The following THSD7B variants were observed in gnomAD, a reference collection of about 807,000 sequenced individuals.
THSD7B encodes the protein thrombospondin type-1 domain-containing protein 7B.
Under a neutral mutation model 213.6 loss-of-function variants are expected in THSD7B, and 138 were observed. The ratio of observed to expected loss-of-function variants is 0.65; its 90% CI spans 0.56 to 0.74. THSD7B has a LOEUF of 0.74. THSD7B is among the 30% of genes least tolerant of loss of function. The pLI is 0.00. For synonymous variants in THSD7B, 742 were observed against 687.0 expected (o/e 1.08, Z -1.25); for missense variants, 1,931 against 1,991.5 (o/e 0.97, Z 0.58).
intron 15 of THSD7B, among the ~76,000 whole-genome samples, chr2:137,542,695 A>G (rs1680631281): frequency 6.6e-6 from 1 of 151,754 alleles, no homozygotes; most frequent in Non-Finnish European, 1.5e-5. Context: ...AAAGTATTCA[A>G]GGGAAACAAT....
rs77736345 is a variant in THSD7B at position 137,618,263 on chromosome 2, G to A, written c.3566-129G>A. 4.6e-3 allele frequency: 3,254 copies of A among 700,168 alleles called. 76 individuals are homozygous for A. The African/African-American group carries it at 0.052, about 11-fold the overall frequency. 43.4% of individuals were successfully genotyped at this position (700,168 alleles called of 1,614,324 possible). A position where few individuals can be genotyped will look rare whatever the true frequency, so the allele number is the denominator to read the frequency against. ...AGGGCATTGCATGATGATTCCCAAA[G>A]CTACCTGGAAATGATTTTAGGATTA... On this transcript the variant is annotated intron_variant, in intron 18 of 27. Transcript: ENST00000409968.
At chr2:136,923,254 A>G (rs1437175927) in intron 2 of THSD7B, among the ~76,000 whole-genome samples, 2 of 152,260 alleles carry the variant, frequency 1.3e-5, no homozygotes, top group East Asian at 1.9e-4. Context: ...AGTTTCATCT[A>G]TGTTGTAGTA....
intron 1 of THSD7B, among the ~76,000 whole-genome samples, chr2:136,866,789 G>A (rs1046316767): frequency 1.3e-5 from 2 of 152,174 alleles, no homozygotes; most frequent in African/African-American, 4.8e-5. Context: ...GAAAGTATTT[G>A]TTATGAAAGG....
intron 3 of THSD7B, among the ~76,000 whole-genome samples, chr2:137,086,211 C>T (rs1296689332): frequency 1.3e-5 from 2 of 152,054 alleles, no homozygotes; most frequent in African/African-American, 2.4e-5. Context: ...ATGGTGCACG[C>T]CTGTAATCCC....
At chr2:137,076,600 G>T (rs35402679) in intron 3 of THSD7B, among the ~76,000 whole-genome samples, 3 of 151,910 alleles carry the variant, frequency 2.0e-5, no homozygotes, top group African/African-American at 7.3e-5. Context: ...CACCGTCCTG[G>T]GCCTACTGTC....
In THSD7B at chr2:137,420,423, C is replaced by T. The variant is rs551836479; in HGVS notation, c.2959+8551C>T. Among the ~76,000 whole-genome samples the T allele has an allele frequency of 2.6e-5, 4 of 152,282 alleles. No homozygotes were observed. In the East Asian group the frequency reaches 7.7e-4, roughly 29 times the overall value. On this transcript the variant is annotated intron_variant, in intron 14 of 27. Transcript: ENST00000409968. ...GTCACCCTTTTTGAAAAACCACAGA[C>T]AGTCTTGCCCGGCAGCCCTTTCCTG...
At chr2:137,180,027 T>C (rs1483677891) in intron 7 of THSD7B, among the ~76,000 whole-genome samples, 1 of 152,168 alleles carries the variant, frequency 6.6e-6, no homozygotes, top group Admixed American at 6.5e-5. Flanking sequence ...TTATTTCCTT[T>C]ATAGGTTATT....
intron 17 of THSD7B, among the ~76,000 whole-genome samples, chr2:137,585,912 A>G (rs189558284): frequency 2.0e-5 from 3 of 151,560 alleles, no homozygotes; most frequent in African/African-American, 7.2e-5. Context: ...TTCTTTCTCG[A>G]TCTGTCTAAT....
chr2:137,363,159 G>A lies in THSD7B; in HGVS notation c.2501-42454G>A, dbSNP rs200342199. On this transcript the variant is annotated intron_variant, in intron 12 of 27. Transcript: ENST00000409968. ...CTACTGGGTAAATAACGAAATGAAG[G>A]CAGAAATAAAGATGTTCTTTGAAAC... Among the ~76,000 whole-genome samples, 58 of 152,268 alleles carry A rather than the reference G, an allele frequency of 3.8e-4. No homozygotes were observed. In the East Asian group the frequency reaches 0.011, roughly 29 times the overall value.
At chr2:137,634,440 G>A (rs1682796379) in intron 20 of THSD7B, among the ~76,000 whole-genome samples, 1 of 152,118 alleles carries the variant, frequency 6.6e-6, no homozygotes, top group African/African-American at 2.4e-5. Flanking sequence ...AAATTGCTCA[G>A]ATATTTTATT....
At chr2:137,636,000 C>G (rs937072270) in intron 20 of THSD7B, among the ~76,000 whole-genome samples, 2 of 152,162 alleles carry the variant, frequency 1.3e-5, no homozygotes, top group African/African-American at 4.8e-5. Context: ...CTGTGCCCAG[C>G]CCCTTGCAAG....
chr2:137,252,417 A>G (rs1682205849), intron 10 of THSD7B, among the ~76,000 whole-genome samples: 1 of 152,026 alleles, frequency 6.6e-6, no homozygotes, highest in Non-Finnish European at 1.5e-5. Context: ...TACAGTTGGA[A>G]GTAATGCTGG....
intron 17 of THSD7B, among the ~76,000 whole-genome samples, chr2:137,595,814 A>C (rs1286428096): frequency 6.6e-6 from 1 of 151,952 alleles, no homozygotes; most frequent in Non-Finnish European, 1.5e-5. Context: ...AAAACTTTAA[A>C]AAATAATATT....
intron 12 of THSD7B, among the ~76,000 whole-genome samples, chr2:137,303,738 A>G (rs868530797): frequency 7.3e-6 from 1 of 137,692 alleles, no homozygotes; most frequent in Admixed American, 7.3e-5. Flanking sequence ...TTATATATAT[A>G]TTTATATATA....
chr2:137,174,466 T>A (rs190436647), intron 7 of THSD7B, among the ~76,000 whole-genome samples: 1 of 152,334 alleles, frequency 6.6e-6, no homozygotes, highest in East Asian at 1.9e-4. Flanking sequence ...CAATTTCTGA[T>A]GTGCCTAAAC....
At chr2:137,636,756 T>C (rs1558867381) in intron 20 of THSD7B, among the ~76,000 whole-genome samples, 2 of 152,246 alleles carry the variant, frequency 1.3e-5, no homozygotes, top group African/African-American at 2.4e-5. Flanking sequence ...AGTCATATCA[T>C]TTACTAGTTG....
At chr2:137,121,731 C>T (rs764947979) in intron 5 of THSD7B, among the ~76,000 whole-genome samples, 1 of 152,100 alleles carries the variant, frequency 6.6e-6, no homozygotes. Flanking sequence ...CTTTGTATTC[C>T]CAAGTGTCAA....
chr2:137,127,364 C>T (rs1217672226), intron 5 of THSD7B, among the ~76,000 whole-genome samples: 11 of 152,058 alleles, frequency 7.2e-5, no homozygotes, highest in African/African-American at 2.7e-4. Flanking sequence ...CAGTGGCACA[C>T]CATCAATATT....
chr2:137,030,881 T>C (rs907849385), intron 2 of THSD7B, among the ~76,000 whole-genome samples: 2 of 152,102 alleles, frequency 1.3e-5, no homozygotes, highest in African/African-American at 4.8e-5. Flanking sequence ...TATACAATTA[T>C]CCATGTAATA....
Sources: gnomAD v4.1 joint callset for allele counts (sites outside exome capture counted in the v4.1 genomes callset) on GRCh38, gnomAD v4.1.1 for gene constraint, MANE v1.5 for transcripts, NCBI Gene and HGNC (gene_info 2026-07-23, HGNC 2026-07-21) for gene names.